Variants in DOCK3 observed in about 807,000 individuals in gnomAD.
DOCK3 encodes the protein dedicator of cytokinesis 3.
In DOCK3, 60 loss-of-function variants were observed where a neutral mutation model predicts 265.6. That is an observed-to-expected ratio of 0.23 (90% CI 0.18 to 0.28). The LOEUF (loss-of-function observed/expected upper bound fraction) is 0.28. Among genes scored for constraint, DOCK3 ranks in the 10% least tolerant of loss-of-function variants. DOCK3 has a pLI of 1.00. For synonymous variants in DOCK3, 881 were observed against 938.0 expected, an observed-to-expected ratio of 0.94 and a Z score of 1.11; for missense variants, 1,981 against 2,594.3, an observed-to-expected ratio of 0.76 and a Z score of 5.14.
At chr3:51,307,062 A>G (rs2082726227) in intron 27 of DOCK3, among the ~76,000 whole-genome samples, 1 of 151,992 alleles carries the variant, frequency 6.6e-6, no homozygotes, top group East Asian at 1.9e-4. Context: ...GTTGCTTTTT[A>G]TTGCTTTATG....
intron 5 of DOCK3, among the ~76,000 whole-genome samples, chr3:50,989,099 G>A (rs920898345): frequency 5.3e-5 from 8 of 152,150 alleles, no homozygotes; most frequent in Admixed American, 1.3e-4. Flanking sequence ...TCTCCTGTGG[G>A]TCTCATGCAC....
intron 5 of DOCK3, among the ~76,000 whole-genome samples, chr3:50,973,260 G>A (rs372353913): frequency 1.7e-4 from 26 of 150,792 alleles, no homozygotes; most frequent in African/African-American, 6.1e-4. Flanking sequence ...CTAGCCTTAG[G>A]TATATCTCCC....
At chr3:50,869,631 G>A (rs947605779) in intron 3 of DOCK3, among the ~76,000 whole-genome samples, 94 of 151,740 alleles carry the variant, frequency 6.2e-4, no homozygotes, top group African/African-American at 2.2e-3. Context: ...TTTGGCCTCC[G>A]AAAGTGCTGG....
chr3:50,986,716 A>G (rs979812185), intron 5 of DOCK3, among the ~76,000 whole-genome samples: 4 of 152,312 alleles, frequency 2.6e-5, no homozygotes, highest in East Asian at 3.9e-4. Context: ...TATATTCTAT[A>G]TTGTATAAAT....
At chr3:51,072,657 C>T (rs1331308058) in intron 6 of DOCK3, among the ~76,000 whole-genome samples, 2 of 152,074 alleles carry the variant, frequency 1.3e-5, no homozygotes, top group Non-Finnish European at 2.9e-5. Context: ...ATCCACCCAC[C>T]TCAGCCTCCC....
At chr3:51,322,884 C>T (rs972304559) in intron 32 of DOCK3, among the ~76,000 whole-genome samples, 9 of 151,688 alleles carry the variant, frequency 5.9e-5, no homozygotes, top group Non-Finnish European at 7.4e-5. Context: ...CAAGACCCAT[C>T]GGTGTGCTGT....
intron 3 of DOCK3, among the ~76,000 whole-genome samples, chr3:50,889,360 A>G (rs1372110676): frequency 6.6e-6 from 1 of 151,986 alleles, no homozygotes; most frequent in African/African-American, 2.4e-5. Flanking sequence ...CTGGGATTAC[A>G]AGCATGAGCC....
At chr3:51,371,364 G>A (rs1282422770) in intron 49 of DOCK3, among the ~76,000 whole-genome samples, 2 of 152,212 alleles carry the variant, frequency 1.3e-5, no homozygotes, top group Non-Finnish European at 2.9e-5. Context: ...AAGATCAGAG[G>A]CAGTAAGAAA....
chr3:51,308,253 G>A (rs2082818510), intron 27 of DOCK3, among the ~76,000 whole-genome samples: 1 of 149,754 alleles, frequency 6.7e-6, no homozygotes, highest in Admixed American at 6.7e-5. Context: ...TCATTCTTGG[G>A]TGTTTCTCGC....
At position 51,312,830 on chromosome 3, in the gene DOCK3, G is replaced by A; in HGVS notation, c.3195-14G>A. ...TCTCCCACTAACGGTTGGCTCCTGT[G>A]TTACTATTCTTAGGTATGGGGACAT... On this transcript the variant is annotated splice_polypyrimidine_tract_variant and intron_variant, in intron 30 of 52. Coordinates refer to ENST00000266037, the MANE Select transcript of DOCK3 (RefSeq NM_004947.5). 6.2e-7 allele frequency: 1 copy of A among 1,607,438 alleles called. No homozygotes were observed. The highest frequency in any genetic ancestry group is 8.5e-7 in the Non-Finnish European group (1 of 1,176,724).
At chr3:50,940,511 C>G (rs772905583) in intron 5 of DOCK3, among the ~76,000 whole-genome samples, 1 of 152,086 alleles carries the variant, frequency 6.6e-6, no homozygotes, top group Non-Finnish European at 1.5e-5. Flanking sequence ...CTAAAACATT[C>G]CTGGCAGGAT....
intron 2 of DOCK3, among the ~76,000 whole-genome samples, chr3:50,819,806 A>G (rs2044296246): frequency 1.3e-5 from 2 of 152,190 alleles, no homozygotes. Context: ...TACTAAAAAT[A>G]CAAAACTTAG....
chr3:51,113,786 A>G (rs7652818), intron 9 of DOCK3, among the ~76,000 whole-genome samples: 137,181 of 152,234 alleles, frequency 0.9, 62,006 homozygotes, highest in African/African-American at 0.95. Flanking sequence ...TGCTATTTGA[A>G]GTTTGATTCA....
In DOCK3 at chr3:50,898,154, GA is replaced by G. The variant is rs2048984302; in HGVS notation, c.218+8075del. On this transcript the variant is annotated intron_variant, in intron 4 of 52. Transcript: ENST00000266037. ...GCTATTAATTACTGTCTCCATTTCAGAACTTGTTATTGGCCTCTTCAGGGAT... is the reference window on the plus strand; with the variant it reads ...GCTATTAATTACTGTCTCCATTTCAGACTTGTTATTGGCCTCTTCAGGGAT... Among the ~76,000 whole-genome samples the G allele has an allele frequency of 2.1e-5, 3 of 145,850 alleles. No individual in the cohort carries two copies. The Admixed American group carries it at 2.1e-4, about 10-fold the overall frequency.
chr3:51,063,754 T>C (rs78909740), intron 5 of DOCK3, among the ~76,000 whole-genome samples: 6,017 of 152,334 alleles, frequency 0.039, 168 homozygotes, highest in Non-Finnish European at 0.061. Flanking sequence ...ATGACACTTA[T>C]ATTTTTCTAC....
At chr3:51,071,992 C>CA (rs1044332156) in intron 6 of DOCK3, among the ~76,000 whole-genome samples, 3 of 152,138 alleles carry the variant, frequency 2.0e-5, no homozygotes, top group African/African-American at 7.2e-5. Context: ...TTTACCAGAT[C>CA]ACCCATTAAT....
chr3:51,159,085 T>C (rs2086003759), intron 10 of DOCK3, among the ~76,000 whole-genome samples, 159 bp from the exon 11 acceptor site: 1 of 152,244 alleles, frequency 6.6e-6, no homozygotes, highest in Non-Finnish European at 1.5e-5. Flanking sequence ...ATCCAGACTT[T>C]CACTGCAGAC....
chr3:51,263,036 C>T (rs1170365111), intron 23 of DOCK3, among the ~76,000 whole-genome samples: 1 of 152,300 alleles, frequency 6.6e-6, no homozygotes, highest in African/African-American at 2.4e-5. Context: ...CCTAGCAAGA[C>T]AGGCCAACAT....
At chr3:51,253,590 T>TG in intron 22 of DOCK3, among the ~76,000 whole-genome samples, 1 of 152,288 alleles carries the variant, frequency 6.6e-6, no homozygotes, top group Non-Finnish European at 1.5e-5. Flanking sequence ...GGTTTAGTCT[T>TG]GGGGGGTTGT....
Sources: allele counts gnomAD v4.1 joint callset (sites outside exome capture counted in the v4.1 genomes callset), GRCh38; gene constraint gnomAD v4.1.1; transcripts MANE v1.5; gene names NCBI Gene and HGNC (gene_info 2026-07-23, HGNC 2026-07-21).